The following MFAP3 variants were observed in gnomAD, a reference collection of about 807,000 sequenced individuals.
MFAP3 encodes the protein microfibril associated protein 3.
Under a neutral mutation model 20.5 loss-of-function variants are expected in MFAP3, and 8 were observed. That is an observed-to-expected ratio of 0.39 (90% CI 0.23 to 0.70). The LOEUF (loss-of-function observed/expected upper bound fraction) is 0.70, where lower values mean the gene tolerates loss of function less well. MFAP3 is among the 30% of genes least tolerant of loss of function. The pLI, the probability that MFAP3 is intolerant of heterozygous loss-of-function variation, is 0.44. For synonymous variants in MFAP3, 140 were observed against 154.0 expected (o/e 0.91, Z 0.67); for missense variants, 398 against 444.6 (o/e 0.90, Z 0.94).
Position 154,049,927 on chromosome 5 carries a change from G to A in MFAP3, c.205G>A (p.Val69Ile), listed in dbSNP as rs142652576. 1.0e-4 allele frequency: 163 copies of A among 1,613,590 alleles called. No homozygotes were observed. The African/African-American group carries it at 1.5e-3, about 14-fold the overall frequency. The change falls in exon 2 of 3, where the codon GTT becomes ATT. Residue 69 changes from valine (V) to isoleucine (I), a missense_variant. Physicochemically the swap from Val to Ile is conservative, Grantham distance 29 (BLOSUM62 3). Transcript: ENST00000522782. ...DVIIAKEGTS[V>I]SIECLLTASH... is the part of the protein sequence containing the mutation. ...CATCATAGCCAAAGAGGGAACTAGC[G>A]TTTCAATTGAGTGTCTTCTCACAGC...
chr5:154,049,575 T>G lies in MFAP3; in HGVS notation c.-148T>G. 3.9e-6 allele frequency: 3 copies of G among 778,854 alleles called. No individual in the cohort carries two copies. The highest frequency in any genetic ancestry group is 3.8e-5 in the South Asian group (2 of 52,202). 48.2% of individuals were successfully genotyped at this position (778,854 alleles called of 1,614,324 possible). A position where few individuals can be genotyped will look rare whatever the true frequency, so the allele number is the denominator to read the frequency against. ...CTTTTAGGTTCTCTACTCACATCTT[T>G]TAATCTTGAAGACTAGAAAATATAA... On this transcript the variant is annotated 5_prime_UTR_variant, in exon 2 of 3. Coordinates refer to ENST00000522782, the MANE Select transcript of MFAP3 (RefSeq NM_005927.5).
At chr5:154,040,245 C>T (rs1033969011) in intron 1 of MFAP3, among the ~76,000 whole-genome samples, 1 of 152,098 alleles carries the variant, frequency 6.6e-6, no homozygotes, top group African/African-American at 2.4e-5. Flanking sequence ...TTTTAGAAAA[C>T]AACTTTCAAC....
rs1773229990 is a variant in MFAP3 at position 154,052,785 on chromosome 5, T to G, written c.296-135T>G. ...ACAGTCTGCCCTTTTTTTACATGAT[T>G]TAAACAAATGGTAGAATCTAACAAA... On this transcript the variant is annotated intron_variant, in intron 2 of 2. Transcript: ENST00000522782. 4 of 759,412 alleles carry G rather than the reference T, an allele frequency of 5.3e-6. No individual in the cohort carries two copies. In the East Asian group the frequency reaches 1.1e-4, roughly 20 times the overall value. The allele number at this position is 759,412 out of a possible 1,614,324, so 47.0% of individuals were successfully genotyped here. A position where few individuals can be genotyped will look rare whatever the true frequency, so the allele number is the denominator to read the frequency against.
chr5:154,050,152 T>C, intron 2 of MFAP3, 135 bp downstream of exon 2: 1 of 796,526 alleles, frequency 1.3e-6, no homozygotes, highest in Non-Finnish European at 1.8e-6. Flanking sequence ...AGGTCTGGAG[T>C]GTTGTACCTA....
In MFAP3 at chr5:154,054,086, T is replaced by G. The variant is rs1773273073; in HGVS notation, c.*373T>G. 2 of 196,342 alleles carry G rather than the reference T, an allele frequency of 1.0e-5. No homozygotes were observed. The highest frequency in any genetic ancestry group is 2.6e-4 in the South Asian group (2 of 7,802). The allele number at this position is 196,342 out of a possible 1,614,324, so 12.2% of individuals were successfully genotyped here. On this transcript the variant is annotated 3_prime_UTR_variant, in exon 3 of 3. Transcript: ENST00000522782. ...GTTTTTCCGTCAATAAGATGAGGGA[T>G]TAGGTGAGATCTGAAGTTGTTTCTA... is the stretch of plus-strand genomic sequence containing the variant.
intron 1 of MFAP3, among the ~76,000 whole-genome samples, chr5:154,042,916 C>G (rs1772989236): frequency 6.6e-6 from 1 of 152,050 alleles, no homozygotes; most frequent in African/African-American, 2.4e-5. Context: ...CATCAGTTTC[C>G]TCAGCCAACT....
Position 154,053,264 on chromosome 5 carries a change from ACT to A in MFAP3, c.643_644del (p.Leu215GlyfsTer9), listed in dbSNP as rs1390467967. 3 of 1,613,808 alleles carry A rather than the reference ACT, an allele frequency of 1.9e-6. No individual in the cohort carries two copies. The highest frequency in any genetic ancestry group is 2.5e-6 in the Non-Finnish European group (3 of 1,179,880). ...KRIPIITSAK[T>X]LELAKVTQFK... ...TATCCCCATCATTACCTCAGCCAAA[ACT>A]CTGGAGCTCGCCAAAGTCACACAAT... is the stretch of plus-strand genomic sequence containing the variant. On this transcript the variant is annotated frameshift_variant, in exon 3 of 3. Transcript: ENST00000522782. LOFTEE classifies it high-confidence loss of function.
intron 1 of MFAP3, among the ~76,000 whole-genome samples, chr5:154,039,546 AAGGCTTATG>A (rs1217642386): frequency 2.5e-4 from 38 of 152,308 alleles, no homozygotes; most frequent in African/African-American, 8.9e-4. Flanking sequence ...CAAATCTTGT[AAGGCTTATG>A]AGCAAGGATA....
intron 1 of MFAP3, among the ~76,000 whole-genome samples, chr5:154,043,309 G>T: frequency 6.6e-6 from 1 of 152,102 alleles, no homozygotes; most frequent in East Asian, 1.9e-4. Flanking sequence ...CAGCACTTTG[G>T]GAGGCCGAGG....
At position 154,049,663 on chromosome 5, in the gene MFAP3, G is replaced by C; in HGVS notation, c.-60G>C. On this transcript the variant is annotated 5_prime_UTR_variant, in exon 2 of 3. Transcript: ENST00000522782. ...GCAATAAATTACCCGCTGTGCTTTTGTTGTAGTGTAGAAGTTTTTGAGTTC... is the reference window on the plus strand; with the variant it reads ...GCAATAAATTACCCGCTGTGCTTTTCTTGTAGTGTAGAAGTTTTTGAGTTC... 1 of 1,509,206 alleles carries C rather than the reference G, an allele frequency of 6.6e-7. No individual in the cohort carries two copies. The highest frequency in any genetic ancestry group is 9.0e-7 in the Non-Finnish European group (1 of 1,110,414). The allele number at this position is 1,509,206 out of a possible 1,614,324, so 93.5% of individuals were successfully genotyped here.
Position 154,053,204 on chromosome 5 carries a change from G to A in MFAP3, c.580G>A (p.Glu194Lys). 1 of 1,613,952 alleles carries A rather than the reference G, an allele frequency of 6.2e-7. No individual in the cohort carries two copies. Among genetic ancestry groups the A allele is most frequent in the Non-Finnish European group, 8.5e-7 (1 of 1,179,914 alleles). The change falls in exon 3 of 3, where the codon GAG becomes AAG. Residue 194 changes from glutamate (E) to lysine (K), a missense_variant. Glu to Lys is a moderately conservative substitution (Grantham distance 56). Transcript: ENST00000522782. ...TGAGTTCTTTAGAACTGAAGGGGCT[G>A]AGAAACTTCAGAAGGCCTTTGAGAT... Reference protein sequence around the residue: ...INEFFRTEGAEKLQKAFEIAK... With the variant: ...INEFFRTEGAKKLQKAFEIAK...
intron 1 of MFAP3, among the ~76,000 whole-genome samples, chr5:154,046,892 A>G (rs1009054280): frequency 6.6e-6 from 1 of 152,068 alleles, no homozygotes; most frequent in Non-Finnish European, 1.5e-5. Flanking sequence ...CGTCTTCATC[A>G]TGGACGAATA....
chr5:154,046,096 T>C (rs1431193067), intron 1 of MFAP3, among the ~76,000 whole-genome samples: 1 of 152,194 alleles, frequency 6.6e-6, no homozygotes, highest in Non-Finnish European at 1.5e-5. Context: ...TAAAAAGCTC[T>C]CCTGACAGTT....
At chr5:154,039,989 AC>A (rs1303438471) in intron 1 of MFAP3, among the ~76,000 whole-genome samples, 1 of 151,420 alleles carries the variant, frequency 6.6e-6, no homozygotes, top group East Asian at 1.9e-4. Flanking sequence ...ATTCCAAAAA[AC>A]AACAACAAAA....
Position 154,055,053 on chromosome 5 carries a change from C to A in MFAP3, c.*1340C>A, listed in dbSNP as rs549766019. 1.0e-4 allele frequency: 17 copies of A among 167,098 alleles called. No individual in the cohort carries two copies. The South Asian group carries it at 3.5e-3, about 35-fold the overall frequency. The allele number at this position is 167,098 out of a possible 1,614,324, so 10.4% of individuals were successfully genotyped here. A position where few individuals can be genotyped will look rare whatever the true frequency, so the allele number is the denominator to read the frequency against. Reference sequence around the variant, plus strand: ...ATGACATTTCTTGCCTGGCTGAGATCTGATATAATGGAATTGTAAATACTC... The same window carrying A: ...ATGACATTTCTTGCCTGGCTGAGATATGATATAATGGAATTGTAAATACTC... On this transcript the variant is annotated 3_prime_UTR_variant, in exon 3 of 3. Coordinates refer to ENST00000522782, the MANE Select transcript of MFAP3 (RefSeq NM_005927.5).
intron 1 of MFAP3, among the ~76,000 whole-genome samples, chr5:154,048,247 G>A (rs1392204911): frequency 6.6e-6 from 1 of 152,096 alleles, no homozygotes; most frequent in South Asian, 2.1e-4. Flanking sequence ...AAATAAACAC[G>A]TTTAGTGTGT....
rs78898507 is a variant in MFAP3, at chr5:154,042,142, T to G, written c.-167+3131T>G. Among the ~76,000 whole-genome samples the G allele has an allele frequency of 2.6e-4, 40 of 152,330 alleles. 2 individuals carry two copies. The East Asian group carries it at 7.7e-3, about 29-fold the overall frequency. Reference sequence around the variant, plus strand: ...TGTTCATAAGCTGAACAAGTAGATCTGAGGGTAAGAGGAGTTCTGTTTTAA... The same window carrying G: ...TGTTCATAAGCTGAACAAGTAGATCGGAGGGTAAGAGGAGTTCTGTTTTAA... On this transcript the variant is annotated intron_variant, in intron 1 of 2. Transcript: ENST00000522782.
At chr5:154,040,903 A>C (rs1277936843) in intron 1 of MFAP3, among the ~76,000 whole-genome samples, 1 of 152,102 alleles carries the variant, frequency 6.6e-6, no homozygotes, top group Admixed American at 6.5e-5. Flanking sequence ...GAAGCTCTGG[A>C]AAGTTAATAA....
chr5:154,046,470 ATGGGATAGAC>A lies in MFAP3; in HGVS notation c.-166-3084_-166-3075del, dbSNP rs1233312062. The stretch of plus-strand genomic sequence containing the variant: ...GCCTTGTTCTTAAGGGGTAGTTGAG[ATGGGATAGAC>A]TGCCTAGCAGTACAGAGCAGCATAT... On this transcript the variant is annotated intron_variant, in intron 1 of 2. Coordinates refer to ENST00000522782, the MANE Select transcript of MFAP3 (RefSeq NM_005927.5). Among the ~76,000 whole-genome samples the A allele has an allele frequency of 1.7e-4, 26 of 152,202 alleles. 2 individuals carry two copies. The highest frequency in any genetic ancestry group is 7.3e-5 in the Non-Finnish European group (5 of 68,042).
Sources: allele counts gnomAD v4.1 joint callset (sites outside exome capture counted in the v4.1 genomes callset), GRCh38; gene constraint gnomAD v4.1.1; transcripts MANE v1.5; gene names NCBI Gene and HGNC (gene_info 2026-07-23, HGNC 2026-07-21).